PKHD1: variants seen among roughly 807,000 people sequenced by gnomAD.
The protein encoded by PKHD1 is PKHD1 ciliary IPT domain containing fibrocystin/polyductin.
Under a neutral mutation model 412.0 loss-of-function variants are expected in PKHD1, and 291 were observed. The observed-to-expected ratio is 0.71, with a 90% CI of 0.64 to 0.78. PKHD1 has a LOEUF of 0.78. PKHD1 is among the 30% of genes least tolerant of loss of function. The pLI is 0.00. For missense variants in PKHD1, 4,825 were observed against 4,950.7 expected (o/e 0.97, Z 0.76); for synonymous variants, 1,777 against 1,821.5 (o/e 0.98, Z 0.62).
chr6:51,989,200 A>C (rs1796573596), intron 35 of PKHD1, among the ~76,000 whole-genome samples: 1 of 152,214 alleles, frequency 6.6e-6, no homozygotes, highest in Non-Finnish European at 1.5e-5. Context: ...AAAAAACAAA[A>C]ACTAGATTTT....
chr6:52,075,199 C>T (rs967438652), intron 6 of PKHD1, among the ~76,000 whole-genome samples: 1 of 152,214 alleles, frequency 6.6e-6, no homozygotes, highest in African/African-American at 2.4e-5. Context: ...CAAGAGCATG[C>T]CAAATTCATA....
chr6:52,045,102 A>G lies in PKHD1; in HGVS notation c.2593-14T>C. 1 of 1,612,966 alleles carries G rather than the reference A, an allele frequency of 6.2e-7. No homozygotes were observed. Among genetic ancestry groups the G allele is most frequent in the Admixed American group, 1.7e-5 (1 of 59,992 alleles). ...TTCATCAGAGACCTGAGATGGTTAC[A>G]TTTCTGGTAAATTCTGTCATGGAAC... On this transcript the variant is annotated splice_polypyrimidine_tract_variant and intron_variant, in intron 24 of 66. Coordinates refer to ENST00000371117, the MANE Select transcript of PKHD1 (RefSeq NM_138694.4).
chr6:52,002,711 G>A (rs1798582853), intron 35 of PKHD1, among the ~76,000 whole-genome samples: 1 of 152,174 alleles, frequency 6.6e-6, no homozygotes, highest in African/African-American at 2.4e-5. Flanking sequence ...AGGAGGGAAG[G>A]GGAGGGAAGA....
intron 34 of PKHD1, among the ~76,000 whole-genome samples, chr6:52,016,407 G>A (rs547999075): frequency 3.3e-5 from 5 of 152,174 alleles, no homozygotes; most frequent in African/African-American, 4.8e-5. Flanking sequence ...AGACCAAGTC[G>A]GGTGGATTGC....
intron 36 of PKHD1, among the ~76,000 whole-genome samples, chr6:51,935,332 ATT>A (rs1239573404): frequency 6.6e-6 from 1 of 152,216 alleles, no homozygotes; most frequent in Non-Finnish European, 1.5e-5. Flanking sequence ...AGATATTTTC[ATT>A]TTTATAATAT....
intron 36 of PKHD1, among the ~76,000 whole-genome samples, chr6:51,941,057 C>T (rs114810494): frequency 6.6e-6 from 1 of 150,930 alleles, no homozygotes; most frequent in Non-Finnish European, 1.5e-5. Context: ...TCTTGTATCC[C>T]CCCCCACCTT....
At chr6:52,083,088 C>G (rs1812276514) in intron 3 of PKHD1, 90 bp downstream of exon 3, 4 of 925,430 alleles carry the variant, frequency 4.3e-6, no homozygotes, top group Admixed American at 1.7e-5. Context: ...TACACCTGTC[C>G]TTAGAAAAGG....
At chr6:51,929,591 A>G (rs765186043) in intron 37 of PKHD1, among the ~76,000 whole-genome samples, 4 of 152,134 alleles carry the variant, frequency 2.6e-5, no homozygotes, top group Non-Finnish European at 4.4e-5. Flanking sequence ...CACACTTTAT[A>G]CCATGCTTAA....
chr6:51,791,424 G>T, intron 52 of PKHD1, 51 bp from the exon 53 acceptor site: 1 of 1,575,892 alleles, frequency 6.3e-7, no homozygotes, highest in East Asian at 2.2e-5. Flanking sequence ...CAAGAATTAC[G>T]TGTTTATTCT....
intron 35 of PKHD1, among the ~76,000 whole-genome samples, chr6:51,980,813 A>G (rs1255403496): frequency 6.6e-6 from 1 of 152,254 alleles, no homozygotes; most frequent in East Asian, 1.9e-4. Flanking sequence ...AGACTACTCA[A>G]CATGATCCCT....
intron 58 of PKHD1, 145 bp from the exon 59 acceptor site, chr6:51,747,034 A>G: frequency 1.7e-6 from 1 of 598,656 alleles, no homozygotes; most frequent in Non-Finnish European, 2.9e-6. Flanking sequence ...GTTTACATAC[A>G]TCTTGATATA....
intron 49 of PKHD1, among the ~76,000 whole-genome samples, chr6:51,852,659 A>G (rs1772505084): frequency 6.6e-6 from 1 of 151,580 alleles, no homozygotes; most frequent in Non-Finnish European, 1.5e-5. Flanking sequence ...CCATTATGTA[A>G]TACCCTTCTT....
At chr6:51,920,298 C>T (rs1297705706) in intron 37 of PKHD1, among the ~76,000 whole-genome samples, 1 of 152,198 alleles carries the variant, frequency 6.6e-6, no homozygotes, top group East Asian at 1.9e-4. Flanking sequence ...TGACATACAT[C>T]CCGTCAATAC....
chr6:51,899,325 A>G (rs2096763849), intron 43 of PKHD1, among the ~76,000 whole-genome samples: 1 of 151,748 alleles, frequency 6.6e-6, no homozygotes, highest in South Asian at 2.1e-4. Context: ...ACCATGATCA[A>G]GTGGGCTTCA....
chr6:51,976,939 C>T (rs1325636881), intron 35 of PKHD1, among the ~76,000 whole-genome samples: 4 of 59,032 alleles, frequency 6.8e-5, no homozygotes, highest in African/African-American at 4.1e-4. Flanking sequence ...TAGAGTGAGA[C>T]TCCATAAAAA....
chr6:51,920,831 T>C (rs1784577486), intron 37 of PKHD1, among the ~76,000 whole-genome samples: 1 of 152,228 alleles, frequency 6.6e-6, no homozygotes. Flanking sequence ...GGATTCAACT[T>C]CTTCCTGGTT....
intron 65 of PKHD1, among the ~76,000 whole-genome samples, chr6:51,631,097 G>C (rs1243276188): frequency 6.6e-6 from 1 of 152,082 alleles, no homozygotes; most frequent in East Asian, 1.9e-4. Flanking sequence ...TTAAAAGTGA[G>C]GTTAGACCTT....
intron 60 of PKHD1, among the ~76,000 whole-genome samples, chr6:51,711,865 T>G (rs1210078213): frequency 6.6e-6 from 1 of 152,232 alleles, no homozygotes; most frequent in Non-Finnish European, 1.5e-5. Context: ...TTTGCAAATA[T>G]GAGGCATCTC....
chr6:51,944,561 A>G (rs1789141396), intron 36 of PKHD1, among the ~76,000 whole-genome samples: 1 of 152,128 alleles, frequency 6.6e-6, no homozygotes, highest in African/African-American at 2.4e-5. Context: ...CTCAGTACAC[A>G]AGGACTGTTT....
Sources: allele counts gnomAD v4.1 joint callset (sites outside exome capture counted in the v4.1 genomes callset), GRCh38; gene constraint gnomAD v4.1.1; transcripts MANE v1.5; gene names NCBI Gene and HGNC (gene_info 2026-07-23, HGNC 2026-07-21).